Variants in RAPGEF2 observed in about 807,000 individuals in gnomAD.
RAPGEF2 encodes PDZ domain containing guanine nucleotide exchange factor (GEF) 1.
RAPGEF2 carries 54 observed loss-of-function variants against 186.7 expected under a neutral mutation model. The ratio of observed to expected loss-of-function variants is 0.29; its 90% CI spans 0.23 to 0.36. RAPGEF2 has a LOEUF of 0.36. Ranked by LOEUF, RAPGEF2 falls within the 10% of genes least tolerant of loss-of-function variation. RAPGEF2 has a pLI of 1.00. For missense variants in RAPGEF2, 1,532 were observed against 2,045.0 expected, an observed-to-expected ratio of 0.75 and a Z score of 4.84; for synonymous variants, 712 against 705.9, an observed-to-expected ratio of 1.01 and a Z score of -0.14.
intron 7 of RAPGEF2, among the ~76,000 whole-genome samples, chr4:159,244,745 G>A (rs1334859805): frequency 6.6e-6 from 1 of 151,850 alleles, no homozygotes; most frequent in East Asian, 1.9e-4. Flanking sequence ...TGAATTTTAT[G>A]TATAATTTTT....
intron 1 of RAPGEF2, among the ~76,000 whole-genome samples, chr4:159,159,648 A>C (rs955408096): frequency 6.6e-6 from 1 of 152,238 alleles, no homozygotes; most frequent in African/African-American, 2.4e-5. Flanking sequence ...CTGACCACTG[A>C]AAAATTATTC....
At chr4:159,151,920 A>G (rs1475390416) in intron 1 of RAPGEF2, among the ~76,000 whole-genome samples, 5 of 152,226 alleles carry the variant, frequency 3.3e-5, no homozygotes, top group African/African-American at 1.2e-4. Flanking sequence ...GCCTTTAACC[A>G]GATGCTTGAT....
chr4:159,309,407 T>A (rs1763693704), intron 8 of RAPGEF2, among the ~76,000 whole-genome samples: 1 of 152,148 alleles, frequency 6.6e-6, no homozygotes, highest in Non-Finnish European at 1.5e-5. Flanking sequence ...CTTGTCTCTA[T>A]TTTTTCCCCT....
At chr4:159,213,280 C>T (rs1022828773) in intron 4 of RAPGEF2, among the ~76,000 whole-genome samples, 1 of 152,176 alleles carries the variant, frequency 6.6e-6, no homozygotes, top group Non-Finnish European at 1.5e-5. Context: ...ATATATATTT[C>T]TCTTCCCAGA....
chr4:159,123,324 G>C (rs1288244285), intron 1 of RAPGEF2, among the ~76,000 whole-genome samples: 1 of 152,080 alleles, frequency 6.6e-6, no homozygotes, highest in Non-Finnish European at 1.5e-5. Flanking sequence ...CACTTAATTT[G>C]ATATTTCTCT....
intron 20 of RAPGEF2, among the ~76,000 whole-genome samples, chr4:159,342,551 A>ATTT (rs1561316646): frequency 0.18 from 16,765 of 94,998 alleles, 1,584 homozygotes; most frequent in Non-Finnish European, 0.23. Context: ...ATTTTATTTT[A>ATTT]TATTATTTTA....
At chr4:159,248,054 G>A (rs1000797946) in intron 7 of RAPGEF2, among the ~76,000 whole-genome samples, 4 of 152,010 alleles carry the variant, frequency 2.6e-5, no homozygotes, top group Non-Finnish European at 5.9e-5. Context: ...GAGCCACTGC[G>A]CCCGGCCGAA....
chr4:159,358,194 A>ACGTC lies in RAPGEF2; in HGVS notation c.*57_*60dup. On this transcript the variant is annotated 3_prime_UTR_variant, in exon 30 of 30. Transcript: ENST00000691494. ...CCACCTGAAAGGAGAGCACAAGAAG[A>ACGTC]CGTCCTGAGCATTGGAGCCTTGGAA... 1 of 1,564,490 alleles carries ACGTC rather than the reference A, an allele frequency of 6.4e-7. No individual in the cohort carries two copies. The highest frequency in any genetic ancestry group is 8.7e-7 in the Non-Finnish European group (1 of 1,143,496).
chr4:159,172,057 A>G (rs1579367363), intron 1 of RAPGEF2, among the ~76,000 whole-genome samples: 2 of 152,322 alleles, frequency 1.3e-5, no homozygotes, highest in Admixed American at 1.3e-4. Context: ...CAGTCCCACA[A>G]TAAAGGAGAA....
At chr4:159,140,840 T>G (rs961216525) in intron 1 of RAPGEF2, among the ~76,000 whole-genome samples, 2 of 152,066 alleles carry the variant, frequency 1.3e-5, no homozygotes, top group African/African-American at 2.4e-5. Flanking sequence ...AAAAAAAATT[T>G]TTTTTTTTTG....
chr4:159,118,192 C>T (rs191278015), intron 1 of RAPGEF2, among the ~76,000 whole-genome samples: 228 of 152,216 alleles, frequency 1.5e-3, no homozygotes, highest in African/African-American at 5.4e-3. Flanking sequence ...CCATCACTGG[C>T]GTTACTGCCT....
Position 159,358,890 on chromosome 4 carries a change from C to G in RAPGEF2, c.*751C>G, listed in dbSNP as rs1561355100. The stretch of plus-strand genomic sequence containing the variant: ...TGGTCTCACCCGCGAAGTGCCCTAT[C>G]CTGGAAGTATGAAATGTTAGCCAAT... On this transcript the variant is annotated 3_prime_UTR_variant, in exon 30 of 30. Transcript: ENST00000691494. 1 of 152,224 alleles carries G rather than the reference C, an allele frequency of 6.6e-6. No homozygotes were observed. Among genetic ancestry groups the G allele is most frequent in the Admixed American group, 6.5e-5 (1 of 15,280 alleles). The allele number at this position is 152,224 out of a possible 1,614,324, so 9.4% of individuals were successfully genotyped here.
chr4:159,304,596 T>C, intron 8 of RAPGEF2, 123 bp downstream of exon 8: 1 of 856,156 alleles, frequency 1.2e-6, no homozygotes, highest in Non-Finnish European at 1.7e-6. Flanking sequence ...TGTAAGTACA[T>C]AAAATATTAA....
At position 159,353,532 on chromosome 4, in the gene RAPGEF2, T is replaced by C. The variant is rs1298307999; in HGVS notation, c.4137T>C (p.Ala1379=). 6.5e-7 allele frequency: 1 copy of C among 1,535,638 alleles called. No homozygotes were observed. The highest frequency in any genetic ancestry group is 2.2e-5 in the Admixed American group (1 of 46,360). ...AGGGCCGAGGCTTATATGCTACAGC[T>C]ACAGTAATTTCTTCTCCAAGCACAG... is the stretch of plus-strand genomic sequence containing the variant. ...MSEGRGLYAT[A]TVISSPSTEE... Residue 1379 remains alanine, a synonymous_variant, in exon 28 of 30, where the codon GCT becomes GCC. Coordinates refer to ENST00000691494, the MANE Select transcript of RAPGEF2 (RefSeq NM_001394067.2). This position sits in a 1 kb window ranked among gnomAD's most constrained non-coding sequence, Gnocchi z 4.3.
chr4:159,106,413 T>TA (rs535533436), intron 1 of RAPGEF2, among the ~76,000 whole-genome samples: 15 of 149,460 alleles, frequency 1.0e-4, no homozygotes, highest in East Asian at 5.8e-4. Context: ...TCAAAAATTA[T>TA]AAAAAAAAAA....
intron 7 of RAPGEF2, among the ~76,000 whole-genome samples, chr4:159,298,058 A>G (rs974995735): frequency 9.2e-5 from 14 of 152,214 alleles, no homozygotes; most frequent in African/African-American, 3.4e-4. Flanking sequence ...TAATTTTGGC[A>G]GTTTTCTCCA....
chr4:159,212,398 T>C (rs1329821095), intron 4 of RAPGEF2, among the ~76,000 whole-genome samples: 1 of 152,220 alleles, frequency 6.6e-6, no homozygotes, highest in African/African-American at 2.4e-5. Flanking sequence ...TAGTAATTAC[T>C]ACATACATTT....
intron 7 of RAPGEF2, among the ~76,000 whole-genome samples, chr4:159,301,911 T>C (rs9942288): frequency 0.092 from 14,073 of 152,160 alleles, 2,162 homozygotes; most frequent in African/African-American, 0.32. Flanking sequence ...GTAACACCTA[T>C]CACAGTGAAT....
At chr4:159,283,016 T>C (rs983298518) in intron 7 of RAPGEF2, among the ~76,000 whole-genome samples, 9 of 152,342 alleles carry the variant, frequency 5.9e-5, no homozygotes, top group African/African-American at 1.9e-4. Flanking sequence ...CATGGTTATT[T>C]GCTTTCTTAC....
Sources: allele counts gnomAD v4.1 joint callset (sites outside exome capture counted in the v4.1 genomes callset), GRCh38; gene constraint gnomAD v4.1.1; non-coding constraint Gnocchi (gnomAD v3.1); transcripts MANE v1.5; gene names NCBI Gene and HGNC (gene_info 2026-07-23, HGNC 2026-07-21).